Variants in PPT1 observed in about 807,000 individuals in gnomAD.
PPT1 encodes the protein ceroid-palmitoyl-palmitoyl-protein thioesterase 1.
Under a neutral mutation model 44.0 loss-of-function variants are expected in PPT1, and 24 were observed. That is an observed-to-expected ratio of 0.54 (90% CI 0.39 to 0.77). PPT1 has a LOEUF of 0.77. PPT1 is among the 30% of genes least tolerant of loss of function. PPT1 has a pLI of 0.00. For synonymous variants in PPT1, 148 were observed against 140.2 expected (o/e 1.06, Z -0.39); for missense variants, 341 against 378.8 (o/e 0.90, Z 0.83).
chr1:40,089,687 C>A (rs1457861086), intron 4 of PPT1, 175 bp from the exon 5 acceptor site: 1 of 677,458 alleles, frequency 1.5e-6, no homozygotes, highest in African/African-American at 1.8e-5. Flanking sequence ...CCTCCTGGTG[C>A]TGCTACACTC....
rs1648421318 is a variant in PPT1, at chr1:40,073,987, A to G, written c.*74T>C. 1.1e-5 allele frequency: 17 copies of G among 1,590,624 alleles called. No homozygotes were observed. The highest frequency in any genetic ancestry group is 1.5e-5 in the Non-Finnish European group (17 of 1,161,148). ...GCTGGATCTGAGCTCAGGCTTGGGC[A>G]TGAAGGAAACTGTCTCCCATGTGGT... On this transcript the variant is annotated 3_prime_UTR_variant, in exon 9 of 9. Transcript: ENST00000642050.
intron 7 of PPT1, among the ~76,000 whole-genome samples, chr1:40,077,679 G>A (rs1648699028): frequency 6.6e-6 from 1 of 152,174 alleles, no homozygotes; most frequent in Admixed American, 6.5e-5. Flanking sequence ...AGAGGCTGAT[G>A]ATTCTAAAAA....
intron 1 of PPT1, 192 bp downstream of exon 1, chr1:40,096,923 C>T: frequency 1.0e-6 from 1 of 993,338 alleles, no homozygotes; most frequent in Non-Finnish European, 1.5e-6. Flanking sequence ...TTCCCCTTCT[C>T]TCTTTCCAGT....
intron 1 of PPT1, 132 bp downstream of exon 1, chr1:40,096,983 A>C: frequency 1.3e-6 from 2 of 1,507,086 alleles, no homozygotes; most frequent in Non-Finnish European, 1.8e-6. Flanking sequence ...GATCCTTCAA[A>C]TCCTAAAATG....
rs1126970 is a variant in PPT1 at position 40,073,776 on chromosome 1, A to C, written c.*285T>G. On this transcript the variant is annotated 3_prime_UTR_variant, in exon 9 of 9. Transcript: ENST00000642050. ...CTTTGGGCCTGGGCACAGTTCTGGC[A>C]CTGATCTGGAACAGACTCCCTTTTC... is the stretch of plus-strand genomic sequence containing the variant. The C allele has an allele frequency of 0.71, 305,350 of 428,340 alleles. 109,584 individuals carry two copies. Among genetic ancestry groups the C allele is most frequent in the Middle Eastern group, 0.75 (1,040 of 1,390 alleles). 26.5% of individuals were successfully genotyped at this position (428,340 alleles called of 1,614,324 possible).
At position 40,073,311 on chromosome 1, in the gene PPT1, T is replaced by C. The variant is rs1161398222; in HGVS notation, c.*750A>G. ...AAGGGCAGGTTGGTCGAGAATGGAA[T>C]AGGAAGAACTAGCTGCCTCACTTTT... On this transcript the variant is annotated 3_prime_UTR_variant, in exon 9 of 9. Transcript: ENST00000642050. The C allele has an allele frequency of 1.3e-5, 2 of 152,394 alleles. No individual in the cohort carries two copies. Among genetic ancestry groups the C allele is most frequent in the African/African-American group, 4.8e-5 (2 of 41,460 alleles). 9.4% of individuals were successfully genotyped at this position (152,394 alleles called of 1,614,324 possible).
Position 40,097,115 on chromosome 1 carries a change from C to G in PPT1, c.124G>C (p.Gly42Arg). The change falls in exon 1 of 9, where the codon GGA becomes CGA. Residue 42 changes from glycine (G) to arginine (R), a missense_variant and splice_region_variant. Transcript: ENST00000642050. Reference protein sequence around the residue: ...PLPLVIWHGMGDSCCNPLSMG... With the variant: ...PLPLVIWHGMRDSCCNPLSMG... ...CCTTTTAAATTTCTCACTCACTCAC[C>G]CATCCCATGCCAGATCACCAACGGC... is the stretch of plus-strand genomic sequence containing the variant. The G allele has an allele frequency of 1.9e-6, 3 of 1,614,078 alleles. No homozygotes were observed. Among genetic ancestry groups the G allele is most frequent in the Non-Finnish European group, 2.5e-6 (3 of 1,179,920 alleles).
chr1:40,076,513 T>C (rs1349607458), intron 8 of PPT1: 1 of 793,312 alleles, frequency 1.3e-6, no homozygotes, highest in Non-Finnish European at 1.5e-6. Flanking sequence ...GCTTCCTGGA[T>C]TTGTAGCAGA....
Position 40,092,049 on chromosome 1 carries a change from A to C in PPT1, c.358T>G (p.Phe120Val). ...NAMGFSQGGQ[F>V]LRAVAQRCPS... ...ATATAACAAAAAGGAACGTACAGAA[A>C]TTGGCCTCCCTGGGAGAATCCCATA... Residue 120 changes from phenylalanine to valine, a missense_variant, in exon 3 of 9, where the codon TTT becomes GTT. Transcript: ENST00000642050. 6.2e-7 allele frequency: 1 copy of C among 1,614,064 alleles called. No individual in the cohort carries two copies.
rs1648444864 is a variant in PPT1, at chr1:40,074,182, TC to T, written c.799del (p.Asp267ThrfsTer5). 1 of 1,614,096 alleles carries T rather than the reference TC, an allele frequency of 6.2e-7. No homozygotes were observed. Among genetic ancestry groups the T allele is most frequent in the African/African-American group, 1.3e-5 (1 of 75,024 alleles). On this transcript the variant is annotated frameshift_variant and splice_region_variant, in exon 9 of 9. Coordinates refer to ENST00000642050, the MANE Select transcript of PPT1 (RefSeq NM_000310.4). LOFTEE classifies it high-confidence loss of function. ...GTCCATTTCCTTTAGCCCCAGGCGG[TC>T]CTGCAGAAGGAAAGGCCATAATTAA... Reference protein sequence around the residue: ...PLQETSLYTQDRLGLKEMDNA... With the variant: ...PLQETSLYTQXRLGLKEMDNA...
intron 5 of PPT1, among the ~76,000 whole-genome samples, chr1:40,084,115 A>C (rs1000820488): frequency 6.6e-6 from 1 of 152,162 alleles, no homozygotes; most frequent in Admixed American, 6.5e-5. Context: ...TATTATCAGG[A>C]ATTTAAAAGA....
intron 1 of PPT1, among the ~76,000 whole-genome samples, chr1:40,096,649 A>T (rs1462313773): frequency 8.1e-6 from 1 of 124,028 alleles, no homozygotes; most frequent in African/African-American, 3.1e-5. Context: ...TGCAAATATT[A>T]AAAAAAAAAA....
In PPT1 at chr1:40,092,301, T is replaced by A; in HGVS notation, c.234+97A>T. The A allele has an allele frequency of 3.3e-6, 5 of 1,528,578 alleles. No homozygotes were observed. In the South Asian group the frequency reaches 5.6e-5, roughly 17 times the overall value. The allele number at this position is 1,528,578 out of a possible 1,614,324, so 94.7% of individuals were successfully genotyped here. A position where few individuals can be genotyped will look rare whatever the true frequency, so the allele number is the denominator to read the frequency against. On this transcript the variant is annotated intron_variant, in intron 2 of 8. Transcript: ENST00000642050. ...ACTCAAGGGTGAAAGTATCACTGTA[T>A]GATCTGCTGCTGAAAACACAAGGCA...
Position 40,078,599 on chromosome 1 carries a change from T to C in PPT1, c.687A>G (p.Lys229=). The change falls in exon 7 of 9, where the codon AAA becomes AAG. Residue 229 remains lysine, a synonymous_variant. Coordinates refer to ENST00000642050, the MANE Select transcript of PPT1 (RefSeq NM_000310.4). ...LMALKKFVMV[K]FLNDSIVDPV... ...GGTCCACAATGGAATCATTGAGGAA[T>C]TTCACCATCACAAACTTCTTCAGGG... 1 of 1,614,038 alleles carries C rather than the reference T, an allele frequency of 6.2e-7. No homozygotes were observed. The highest frequency in any genetic ancestry group is 8.5e-7 in the Non-Finnish European group (1 of 1,179,934).
In PPT1 at chr1:40,074,055, CG is replaced by C. The variant is rs1373631929; in HGVS notation, c.*5del. 3 of 1,613,912 alleles carry C rather than the reference CG, an allele frequency of 1.9e-6. No homozygotes were observed. Among genetic ancestry groups the C allele is most frequent in the East Asian group, 4.5e-5 (2 of 44,888 alleles). ...TCCCTGAGCTCTATTGTGAACTATA[CG>C]GGTTTCATCCAAGGAATGGTATGAT... On this transcript the variant is annotated 3_prime_UTR_variant, in exon 9 of 9. Transcript: ENST00000642050.
At chr1:40,082,506 C>A (rs1485488780) in intron 5 of PPT1, among the ~76,000 whole-genome samples, 2 of 152,060 alleles carry the variant, frequency 1.3e-5, no homozygotes, top group East Asian at 3.9e-4. Context: ...AGTCTTATTG[C>A]TGCTATGGAG....
intron 5 of PPT1, among the ~76,000 whole-genome samples, chr1:40,084,397 A>G (rs1489204717): frequency 6.6e-6 from 1 of 152,248 alleles, no homozygotes; most frequent in East Asian, 1.9e-4. Flanking sequence ...ATAAGCTTAC[A>G]TAAAAGCAGC....
intron 6 of PPT1, among the ~76,000 whole-genome samples, chr1:40,080,069 C>G (rs1648839588): frequency 6.6e-6 from 1 of 152,118 alleles, no homozygotes; most frequent in Non-Finnish European, 1.5e-5. Flanking sequence ...AGAGAAAAAT[C>G]CACCCCCAGA....
In PPT1 at chr1:40,092,387, A is replaced by G. The variant is rs1401914397; in HGVS notation, c.234+11T>C. 1.0e-5 allele frequency: 16 copies of G among 1,587,214 alleles called. 1 individual carries two copies. The highest frequency in any genetic ancestry group is 1.3e-5 in the Non-Finnish European group (15 of 1,155,504). ...GCAACCCTTCAAAGGAACAGCTGTG[A>G]AGCGCCTTACCTCCATCAGGGTCTT... On this transcript the variant is annotated intron_variant, in intron 2 of 8. Transcript: ENST00000642050.
Sources: allele counts gnomAD v4.1 joint callset (sites outside exome capture counted in the v4.1 genomes callset), GRCh38; gene constraint gnomAD v4.1.1; transcripts MANE v1.5; gene names NCBI Gene and HGNC (gene_info 2026-07-23, HGNC 2026-07-21).